EXOC4: variants seen among roughly 807,000 people sequenced by gnomAD.
EXOC4 encodes the protein SEC8-like 1.
A neutral mutation model predicts 107.2 loss-of-function variants in EXOC4; 71 were observed. That is an observed-to-expected ratio of 0.66 (90% CI 0.55 to 0.81). The LOEUF is 0.81. Ranked by LOEUF, EXOC4 falls within the 30% of genes least tolerant of loss-of-function variation. EXOC4 has a pLI of 0.00. For synonymous variants in EXOC4, 456 were observed against 441.2 expected, an observed-to-expected ratio of 1.03 and a Z score of -0.42; for missense variants, 1,108 against 1,189.6, an observed-to-expected ratio of 0.93 and a Z score of 1.01.
chr7:133,287,462 C>T (rs1203369845), intron 2 of EXOC4, among the ~76,000 whole-genome samples: 2 of 152,120 alleles, frequency 1.3e-5, no homozygotes, highest in Non-Finnish European at 2.9e-5. Flanking sequence ...AGGCACCCGC[C>T]ACCATGCCCA....
chr7:133,687,239 CT>C (rs1794325407), intron 10 of EXOC4, among the ~76,000 whole-genome samples: 1 of 151,754 alleles, frequency 6.6e-6, no homozygotes, highest in Admixed American at 6.6e-5. Flanking sequence ...ATACAGTGGA[CT>C]TTAGGCACTC....
chr7:133,368,655 G>A (rs1438866559), intron 6 of EXOC4, among the ~76,000 whole-genome samples: 2 of 152,164 alleles, frequency 1.3e-5, no homozygotes, highest in East Asian at 1.9e-4. Context: ...TAGAGAGCTG[G>A]TATTCAAGTC....
chr7:133,500,345 A>G (rs1385263210), intron 9 of EXOC4, among the ~76,000 whole-genome samples: 1 of 152,192 alleles, frequency 6.6e-6, no homozygotes, highest in Non-Finnish European at 1.5e-5. Context: ...TTATGTCATA[A>G]TAGATGAGCT....
intron 7 of EXOC4, among the ~76,000 whole-genome samples, chr7:133,436,773 G>T (rs1797985928): frequency 6.6e-6 from 1 of 152,132 alleles, no homozygotes; most frequent in Admixed American, 6.5e-5. Flanking sequence ...CTCCAAAAAT[G>T]AAATCTTCAT....
At chr7:133,418,175 A>G (rs1036189966) in intron 7 of EXOC4, among the ~76,000 whole-genome samples, 1 of 152,216 alleles carries the variant, frequency 6.6e-6, no homozygotes, top group African/African-American at 2.4e-5. Flanking sequence ...CGTGCTTTAC[A>G]TATTTAGACT....
At chr7:133,701,257 A>C (rs1251238904) in intron 10 of EXOC4, among the ~76,000 whole-genome samples, 8 of 152,224 alleles carry the variant, frequency 5.3e-5, no homozygotes, top group African/African-American at 2.4e-5. Flanking sequence ...CACAGAGTGC[A>C]AGAGACTTCA....
intron 10 of EXOC4, among the ~76,000 whole-genome samples, chr7:133,704,519 A>G (rs1794727771): frequency 1.3e-5 from 2 of 152,196 alleles, no homozygotes; most frequent in East Asian, 1.9e-4. Context: ...ATTTTCAACA[A>G]TATCTTTCAC....
intron 14 of EXOC4, among the ~76,000 whole-genome samples, chr7:133,967,632 G>A (rs1801101722): frequency 6.6e-6 from 1 of 152,194 alleles, no homozygotes; most frequent in Admixed American, 6.5e-5. Flanking sequence ...ATGAAGTTGT[G>A]TGGTTTTGAG....
chr7:133,570,912 G>A (rs940075450), intron 9 of EXOC4, among the ~76,000 whole-genome samples: 1 of 152,172 alleles, frequency 6.6e-6, no homozygotes, highest in African/African-American at 2.4e-5. Flanking sequence ...AAGTAAGACT[G>A]TGCTACTTAA....
At chr7:133,392,624 A>T (rs1796878491) in intron 7 of EXOC4, among the ~76,000 whole-genome samples, 1 of 152,156 alleles carries the variant, frequency 6.6e-6, no homozygotes, top group Non-Finnish European at 1.5e-5. Flanking sequence ...GAGACCACAG[A>T]CTTTTACTGT....
At chr7:133,713,967 A>G (rs1302670954) in intron 10 of EXOC4, among the ~76,000 whole-genome samples, 1 of 152,188 alleles carries the variant, frequency 6.6e-6, no homozygotes, top group Non-Finnish European at 1.5e-5. Flanking sequence ...CATAAGAGCT[A>G]TAATGGAAAC....
chr7:134,088,438 A>G, the EXOC4 span, among the ~76,000 whole-genome samples: 1 of 152,206 alleles, frequency 6.6e-6, no homozygotes, highest in Non-Finnish European at 1.5e-5. Context: ...AAAGCTGTAA[A>G]TAGCTTAAAA....
intron 6 of EXOC4, among the ~76,000 whole-genome samples, chr7:133,364,757 T>G (rs1796214122): frequency 6.6e-6 from 1 of 152,204 alleles, no homozygotes; most frequent in African/African-American, 2.4e-5. Flanking sequence ...ATCTGCCATC[T>G]GGTATCTCAC....
intron 10 of EXOC4, among the ~76,000 whole-genome samples, chr7:133,719,515 C>T (rs1795064151): frequency 6.6e-6 from 1 of 151,556 alleles, no homozygotes; most frequent in South Asian, 2.1e-4. Context: ...ACTTCGACTT[C>T]CATCTAGTCT....
intron 10 of EXOC4, among the ~76,000 whole-genome samples, chr7:133,664,327 TC>T (rs553334493): frequency 2.1e-3 from 317 of 152,308 alleles, no homozygotes; most frequent in Non-Finnish European, 3.5e-3. Context: ...TTAGAATGGT[TC>T]CTGACATACA....
chr7:133,424,544 G>A (rs10262548), intron 7 of EXOC4, among the ~76,000 whole-genome samples: 117,577 of 152,008 alleles, frequency 0.77, 46,116 homozygotes, highest in East Asian at 0.95. Context: ...CTTGAAGTCA[G>A]CAAGACCAAG....
At chr7:133,576,633 A>G (rs1345855699) in intron 9 of EXOC4, 6 of 1,289,684 alleles carry the variant, frequency 4.7e-6, no homozygotes, top group Non-Finnish European at 6.1e-6. Context: ...GCTATTGCTA[A>G]ATGTGATCTC....
intron 10 of EXOC4, among the ~76,000 whole-genome samples, chr7:133,744,693 G>A (rs1356446070): frequency 2.0e-5 from 3 of 152,164 alleles, no homozygotes; most frequent in African/African-American, 7.2e-5. Flanking sequence ...GGTTAAGCTT[G>A]CATGTGTGAA....
At chr7:133,621,864 G>C (rs2041997) in intron 9 of EXOC4, among the ~76,000 whole-genome samples, 1 of 152,210 alleles carries the variant, frequency 6.6e-6, no homozygotes, top group East Asian at 1.9e-4. Flanking sequence ...ACTGCAAGAC[G>C]TTGTTTGGGT....
Sources: allele counts gnomAD v4.1 joint callset (sites outside exome capture counted in the v4.1 genomes callset), GRCh38; gene constraint gnomAD v4.1.1; transcripts MANE v1.5; gene names NCBI Gene and HGNC (gene_info 2026-07-23, HGNC 2026-07-21).